The following SMC2 variants were observed in gnomAD, a reference collection of about 807,000 sequenced individuals.
The protein encoded by SMC2 is structural maintenance of chromosomes 2.
A neutral mutation model predicts 142.6 loss-of-function variants in SMC2; 41 were observed. That is an observed-to-expected ratio of 0.29 (90% CI 0.22 to 0.37). The LOEUF is 0.37. SMC2 is among the 10% of genes least tolerant of loss of function. The probability of loss-of-function intolerance (pLI) is 1.00; values close to 1 mark genes in which losing one functional copy is unlikely to be tolerated. For missense variants in SMC2, 1,265 were observed against 1,373.7 expected (o/e 0.92, Z 1.25); for synonymous variants, 463 against 457.5 (o/e 1.01, Z -0.15).
chr9:104,127,348 C>A lies in SMC2; in HGVS notation c.2658C>A (p.Asp886Glu). 6.2e-7 allele frequency: 1 copy of A among 1,613,532 alleles called. No homozygotes were observed. The part of the protein sequence containing the change: ...TKQKEVITAQ[D>E]TVIKAKYAEV... ...AAAAAGAGGTGATAACAGCCCAAGA[C>A]ACTGTAATTAAAGCTAAATATGCAG... Residue 886 changes from aspartate (D) to glutamate (E), a missense_variant, in exon 20 of 25, where the codon GAC becomes GAA. Coordinates refer to ENST00000374793, the MANE Select transcript of SMC2 (RefSeq NM_006444.3).
At chr9:104,115,793 G>A (rs1023408546) in intron 13 of SMC2, among the ~76,000 whole-genome samples, 2 of 151,854 alleles carry the variant, frequency 1.3e-5, no homozygotes, top group African/African-American at 2.4e-5. Flanking sequence ...CTCTGAATAG[G>A]TAGATTTATT....
In SMC2 at chr9:104,134,436, A is replaced by G. The variant is rs761959232; in HGVS notation, c.3130A>G (p.Ile1044Val). The change falls in exon 23 of 25, where the codon ATT becomes GTT. Residue 1044 changes from isoleucine to valine, a missense_variant. Physicochemically the swap from Ile to Val is conservative, Grantham distance 29. Transcript: ENST00000374793. ...CCAGGTGAACAAGGACTTTGGGTCT[A>G]TTTTTTCTACTCTTTTGCCTGGTGC... Reference protein sequence around the residue: ...WQKVNKDFGSIFSTLLPGANA... With the variant: ...WQKVNKDFGSVFSTLLPGANA... 6.9e-6 allele frequency: 11 copies of G among 1,592,452 alleles called. No individual in the cohort carries two copies. Among genetic ancestry groups the G allele is most frequent in the South Asian group, 4.6e-5 (4 of 86,684 alleles).
intron 23 of SMC2, among the ~76,000 whole-genome samples, chr9:104,137,402 G>C (rs1835666491): frequency 6.6e-6 from 1 of 152,100 alleles, no homozygotes; most frequent in Non-Finnish European, 1.5e-5. Context: ...ACTGAAAATA[G>C]TGCTGTGGAA....
chr9:104,098,856 A>G (rs1012955347), intron 4 of SMC2, among the ~76,000 whole-genome samples: 4 of 151,914 alleles, frequency 2.6e-5, no homozygotes, highest in African/African-American at 9.7e-5. Context: ...AAAAGCCATA[A>G]TATATCCTTT....
chr9:104,108,881 C>T (rs972353903), intron 9 of SMC2, among the ~76,000 whole-genome samples: 1 of 152,092 alleles, frequency 6.6e-6, no homozygotes, highest in African/African-American at 2.4e-5. Context: ...GTTTATACCC[C>T]AGAAATAGAG....
intron 1 of SMC2, chr9:104,094,800 A>T: frequency 5.3e-6 from 1 of 189,608 alleles, no homozygotes; most frequent in Non-Finnish European, 1.1e-5. Flanking sequence ...GGATGCAATG[A>T]CGGACGTAGG....
At position 104,125,289 on chromosome 9, in the gene SMC2, A is replaced by G. The variant is rs191733054; in HGVS notation, c.2451+184A>G. On this transcript the variant is annotated intron_variant, in intron 18 of 24. Transcript: ENST00000374793. ...GGAGTATCCAGGATGAGCATCTCAAATCCAAAATACAAATTAGAAACTTTT... is the reference window on the plus strand; with the variant it reads ...GGAGTATCCAGGATGAGCATCTCAAGTCCAAAATACAAATTAGAAACTTTT... Among the ~76,000 whole-genome samples, 537 of 152,262 alleles carry G rather than the reference A, an allele frequency of 3.5e-3. 2 individuals are homozygous for G. The highest frequency in any genetic ancestry group is 0.012 in the African/African-American group (517 of 41,546).
intron 18 of SMC2, among the ~76,000 whole-genome samples, chr9:104,125,872 G>A (rs186609880): frequency 6.8e-4 from 103 of 151,830 alleles, no homozygotes; most frequent in African/African-American, 2.4e-3. Flanking sequence ...TATTTCCCTC[G>A]CATTTTTTTT....
In SMC2 at chr9:104,111,762, A is replaced by G; in HGVS notation, c.1202A>G (p.Gln401Arg). 1 of 1,614,046 alleles carries G rather than the reference A, an allele frequency of 6.2e-7. No individual in the cohort carries two copies. The highest frequency in any genetic ancestry group is 1.1e-5 in the South Asian group (1 of 91,088). Residue 401 changes from glutamine (Q) to arginine (R), a missense_variant, in exon 10 of 25, where the codon CAA becomes CGA. Transcript: ENST00000374793. Reference sequence around the variant, plus strand: ...GGAGCAGAAGCAACTCTTGCTGGTCAAATGATGGCCTGTAAAAATGATATA... The same window carrying G: ...GGAGCAGAAGCAACTCTTGCTGGTCGAATGATGGCCTGTAAAAATGATATA... ...EDGAEATLAG[Q>R]MMACKNDISK...
intron 1 of SMC2, 99 bp from the exon 2 acceptor site, chr9:104,095,225 T>G (rs1177661239): frequency 1.4e-4 from 82 of 582,100 alleles, no homozygotes; most frequent in African/African-American, 1.8e-5. Flanking sequence ...CAAGTGGCTG[T>G]TTTATTTCTA....
Position 104,111,715 on chromosome 9 carries a change from T to A in SMC2, c.1155T>A (p.Ala385=). The A allele has an allele frequency of 6.2e-7, 1 of 1,614,092 alleles. No homozygotes were observed. Among genetic ancestry groups the A allele is most frequent in the South Asian group, 1.1e-5 (1 of 91,084 alleles). The change falls in exon 10 of 25, where the codon GCT becomes GCA. Residue 385 remains alanine, a synonymous_variant. Coordinates refer to ENST00000374793, the MANE Select transcript of SMC2 (RefSeq NM_006444.3). The part of the protein sequence containing the change: ...AAQQHFNAVS[A]GLSSNEDGAE... ...AGCAGCACTTCAATGCTGTTTCCGCTGGCCTGTCCAGTAATGAAGATGGAG... is the reference window on the plus strand; with the variant it reads ...AGCAGCACTTCAATGCTGTTTCCGCAGGCCTGTCCAGTAATGAAGATGGAG...
intron 7 of SMC2, among the ~76,000 whole-genome samples, chr9:104,101,008 G>C (rs1242786834): frequency 6.6e-6 from 1 of 152,146 alleles, no homozygotes; most frequent in Non-Finnish European, 1.5e-5. Flanking sequence ...TGTCATCACA[G>C]CTCACTGCAG....
At chr9:104,104,362 T>C (rs758264776) in intron 9 of SMC2, among the ~76,000 whole-genome samples, 51 of 152,198 alleles carry the variant, frequency 3.4e-4, no homozygotes, top group Non-Finnish European at 4.9e-4. Context: ...TAGGATTCAT[T>C]GCAAGCTGAT....
At chr9:104,089,412 G>A (rs1470208192), upstream of SMC2, among the ~76,000 whole-genome samples, 2 of 152,110 alleles carry the variant, frequency 1.3e-5, no homozygotes, top group Non-Finnish European at 2.9e-5. Flanking sequence ...GTGTGGATTT[G>A]AAATAAAGAG....
At chr9:104,121,409 T>C (rs971716179) in intron 16 of SMC2, among the ~76,000 whole-genome samples, 1 of 152,002 alleles carries the variant, frequency 6.6e-6, no homozygotes, top group Non-Finnish European at 1.5e-5. Flanking sequence ...GGTGGGTGGA[T>C]TGTTGGAGCC....
At chr9:104,114,420 A>T (rs1832845618) in intron 12 of SMC2, among the ~76,000 whole-genome samples, 1 of 152,140 alleles carries the variant, frequency 6.6e-6, no homozygotes, top group South Asian at 2.1e-4. Flanking sequence ...TTTTTTATGG[A>T]ATATTTACAG....
At chr9:104,135,900 G>A (rs1437136153) in intron 23 of SMC2, 1 of 518,712 alleles carries the variant, frequency 1.9e-6, no homozygotes, top group African/African-American at 1.9e-5. Context: ...ACAGGTTAAA[G>A]GAAGTTCTCA....
intron 20 of SMC2, among the ~76,000 whole-genome samples, chr9:104,128,460 C>G (rs528432594): frequency 3.3e-5 from 5 of 152,246 alleles, no homozygotes; most frequent in African/African-American, 1.2e-4. Flanking sequence ...GAGGGACTTG[C>G]AAGTGGGTCT....
Position 104,118,335 on chromosome 9 carries a change from C to T in SMC2, c.1956C>T (p.Leu652=), listed in dbSNP as rs1021366666. 17 of 1,613,224 alleles carry T rather than the reference C, an allele frequency of 1.1e-5. No individual in the cohort carries two copies. The highest frequency in any genetic ancestry group is 3.3e-5 in the Admixed American group (2 of 59,954). ...DKRIMTRTVT[L]GGDVFDPHGT... ...GGATAATGACTAGAACTGTAACTCT[C>T]GGAGGTGATGTGTTTGATCCTCATG... is the stretch of plus-strand genomic sequence containing the variant. Residue 652 remains leucine (L), a synonymous_variant, in exon 15 of 25, where the codon CTC becomes CTT. Coordinates refer to ENST00000374793, the MANE Select transcript of SMC2 (RefSeq NM_006444.3).
Sources: allele counts gnomAD v4.1 joint callset (sites outside exome capture counted in the v4.1 genomes callset), GRCh38; gene constraint gnomAD v4.1.1; transcripts MANE v1.5; gene names NCBI Gene and HGNC (gene_info 2026-07-23, HGNC 2026-07-21).